The following CCNT1 variants were observed in gnomAD, a reference collection of about 807,000 sequenced individuals.
CCNT1 encodes the protein cyclin-T1.
In CCNT1, 18 loss-of-function variants were observed where a neutral mutation model predicts 67.3. That is an observed-to-expected ratio of 0.27 (90% CI 0.18 to 0.40). The LOEUF (loss-of-function observed/expected upper bound fraction) is 0.40, where lower values mean the gene tolerates loss of function less well. Ranked by LOEUF, CCNT1 falls within the 10% of genes least tolerant of loss-of-function variation. CCNT1 has a pLI of 1.00. For missense variants in CCNT1, 744 were observed against 884.9 expected, an observed-to-expected ratio of 0.84 and a Z score of 2.02; for synonymous variants, 333 against 310.3, an observed-to-expected ratio of 1.07 and a Z score of -0.77.
intron 6 of CCNT1, 147 bp from the exon 7 acceptor site, chr12:48,696,309 C>T: frequency 1.9e-6 from 1 of 521,806 alleles, no homozygotes; most frequent in South Asian, 3.5e-5. Context: ...AAGAAATATG[C>T]AATGCTCTGA....
intron 3 of CCNT1, among the ~76,000 whole-genome samples, chr12:48,704,964 CCT>C (rs1002750789): frequency 1.3e-5 from 2 of 152,146 alleles, no homozygotes; most frequent in African/African-American, 4.8e-5. Flanking sequence ...AACCCCACCC[CCT>C]GTCCATGTAA....
intron 3 of CCNT1, 148 bp downstream of exon 3, chr12:48,705,620 T>G: frequency 1.4e-6 from 1 of 691,422 alleles, no homozygotes; most frequent in East Asian, 2.8e-5. Flanking sequence ...AAAATATTCT[T>G]TTAACAACAC....
intron 4 of CCNT1, among the ~76,000 whole-genome samples, chr12:48,700,066 T>C (rs956482697): frequency 2.0e-5 from 3 of 152,034 alleles, no homozygotes; most frequent in Admixed American, 1.3e-4. Context: ...AAGCCTGTAA[T>C]CCCAGCACTT....
chr12:48,712,128 T>A (rs1309187220), intron 2 of CCNT1, among the ~76,000 whole-genome samples: 2 of 152,112 alleles, frequency 1.3e-5, no homozygotes, highest in African/African-American at 2.4e-5. Context: ...CCAAAAAGTT[T>A]CCTGTGCAGT....
chr12:48,705,727 G>A, intron 3 of CCNT1, 41 bp downstream of exon 3: 1 of 1,557,656 alleles, frequency 6.4e-7, no homozygotes, highest in Non-Finnish European at 8.7e-7. Context: ...AAAAAGAAAG[G>A]AAAAAAATTA....
chr12:48,690,056 G>C lies in CCNT1; in HGVS notation c.*2977C>G, dbSNP rs974825380. On this transcript the variant is annotated 3_prime_UTR_variant, in exon 9 of 9. Coordinates refer to ENST00000261900, the MANE Select transcript of CCNT1 (RefSeq NM_001240.4). ...CACTGATTCATGAATGGGAAGACTAGACTAACACCTAAGTATTTTCTAAAC... is the reference window on the plus strand; with the variant it reads ...CACTGATTCATGAATGGGAAGACTACACTAACACCTAAGTATTTTCTAAAC... The C allele has an allele frequency of 4.6e-5, 7 of 152,228 alleles. No individual in the cohort carries two copies. The highest frequency in any genetic ancestry group is 1.7e-4 in the African/African-American group (7 of 41,454). 9.4% of individuals were successfully genotyped at this position (152,228 alleles called of 1,614,324 possible).
chr12:48,698,236 C>A, intron 5 of CCNT1, 53 bp from the exon 6 acceptor site: 4 of 1,240,932 alleles, frequency 3.2e-6, no homozygotes, highest in Non-Finnish European at 3.4e-6. Flanking sequence ...GTTATTAGTT[C>A]CATTCATTCT....
chr12:48,709,133 A>T (rs915343444), intron 2 of CCNT1, among the ~76,000 whole-genome samples: 2 of 152,184 alleles, frequency 1.3e-5, no homozygotes, highest in Non-Finnish European at 2.9e-5. Context: ...GGACAAGTCA[A>T]AGACTAAGGT....
At chr12:48,702,916 T>C (rs1432393055) in intron 3 of CCNT1, among the ~76,000 whole-genome samples, 1 of 149,972 alleles carries the variant, frequency 6.7e-6, no homozygotes, top group Non-Finnish European at 1.5e-5. Flanking sequence ...AGGCCAAGAG[T>C]TCAAGACCAG....
chr12:48,697,901 C>T, intron 6 of CCNT1: 1 of 198,064 alleles, frequency 5.0e-6, no homozygotes, highest in Non-Finnish European at 1.0e-5. Flanking sequence ...TTGCAGAATA[C>T]TCCAAATTAG....
At chr12:48,713,252 C>T (rs1289508525) in intron 2 of CCNT1, among the ~76,000 whole-genome samples, 4 of 142,648 alleles carry the variant, frequency 2.8e-5, no homozygotes, top group African/African-American at 1.1e-4. Context: ...CCAGGCTGGT[C>T]TCCAACTCCT....
intron 2 of CCNT1, 45 bp downstream of exon 2, chr12:48,714,398 A>T: frequency 8.4e-7 from 1 of 1,187,854 alleles, no homozygotes; most frequent in Non-Finnish European, 1.3e-6. Flanking sequence ...AGGTAGGTGG[A>T]ATCAATCACA....
intron 4 of CCNT1, among the ~76,000 whole-genome samples, chr12:48,700,288 C>T (rs1407685283): frequency 6.3e-5 from 9 of 142,008 alleles, no homozygotes; most frequent in African/African-American, 2.4e-4. Context: ...CACTGCACTC[C>T]AGCCTGGGCG....
chr12:48,698,115 G>GAA, intron 6 of CCNT1, 23 bp downstream of exon 6: 4 of 1,311,902 alleles, frequency 3.0e-6, no homozygotes, highest in Non-Finnish European at 4.0e-6. Context: ...AAATCGAAGA[G>GAA]AAAAAAAAAT....
chr12:48,704,857 GTTACGTAA>G (rs945782191), intron 3 of CCNT1, among the ~76,000 whole-genome samples: 1 of 152,088 alleles, frequency 6.6e-6, no homozygotes, highest in African/African-American at 2.4e-5. Flanking sequence ...GTTATGGTGA[GTTACGTAA>G]TTATTTCATT....
intron 5 of CCNT1, 34 bp downstream of exon 5, chr12:48,699,744 C>T: frequency 6.7e-7 from 1 of 1,488,028 alleles, no homozygotes; most frequent in Non-Finnish European, 9.4e-7. Flanking sequence ...GGGAAAACAG[C>T]TTGAGATAGT....
chr12:48,689,099 C>CT lies in CCNT1; in HGVS notation c.*3933dup, dbSNP rs1940031709. On this transcript the variant is annotated 3_prime_UTR_variant, in exon 9 of 9. Transcript: ENST00000261900. Reference sequence around the variant, plus strand: ...TCAATTAGCATGCTGTCAAGCATCCCTCTCCATGCTTAACATGGCAACACA... The same window carrying CT: ...TCAATTAGCATGCTGTCAAGCATCCCTTCTCCATGCTTAACATGGCAACACA... 1 of 152,198 alleles carries CT rather than the reference C, an allele frequency of 6.6e-6. No individual in the cohort carries two copies. Among genetic ancestry groups the CT allele is most frequent in the South Asian group, 2.1e-4 (1 of 4,834 alleles). The allele number at this position is 152,198 out of a possible 1,614,324, so 9.4% of individuals were successfully genotyped here. A position where few individuals can be genotyped will look rare whatever the true frequency, so the allele number is the denominator to read the frequency against.
chr12:48,695,671 C>T (rs1482748226), intron 8 of CCNT1, 88 bp downstream of exon 8: 11 of 847,458 alleles, frequency 1.3e-5, no homozygotes, highest in Non-Finnish European at 2.0e-5. Context: ...AATTCCAAAC[C>T]TAGGGTACAT....
Position 48,705,868 on chromosome 12 carries a change from G to C in CCNT1, c.272C>G (p.Ala91Gly). 1 of 1,613,578 alleles carries C rather than the reference G, an allele frequency of 6.2e-7. No homozygotes were observed. The highest frequency in any genetic ancestry group is 8.5e-7 in the Non-Finnish European group (1 of 1,179,818). Reference protein sequence around the residue: ...NSVAPAALFLAAKVEEQPKKL... With the variant: ...NSVAPAALFLGAKVEEQPKKL... ...TTTGGGCTGCTCCTCCACTTTAGCT[G>C]CTAGAAACAAGGCTGCTGGAGCCAC... Residue 91 changes from alanine (A) to glycine (G), a missense_variant, in exon 3 of 9, where the codon GCA (alanine) becomes GGA (glycine). Ala to Gly is a moderately conservative substitution (Grantham distance 60). Coordinates refer to ENST00000261900, the MANE Select transcript of CCNT1 (RefSeq NM_001240.4).
Sources: gnomAD v4.1 joint callset for allele counts (sites outside exome capture counted in the v4.1 genomes callset) on GRCh38, gnomAD v4.1.1 for gene constraint, MANE v1.5 for transcripts, NCBI Gene and HGNC (gene_info 2026-07-23, HGNC 2026-07-21) for gene names.